C9orf153: variants seen among roughly 807,000 people sequenced by gnomAD.
C9orf153 encodes the protein chromosome 9 open reading frame 153.
A neutral mutation model predicts 9.0 loss-of-function variants in C9orf153; 10 were observed. The ratio of observed to expected loss-of-function variants is 1.11; its 90% CI spans 0.69 to 1.89. The LOEUF is 1.89. C9orf153 is among the 40% of genes most tolerant of loss of function. C9orf153 has a pLI of 0.00. For missense variants in C9orf153, 108 were observed against 111.0 expected, an observed-to-expected ratio of 0.97 and a Z score of 0.12; for synonymous variants, 35 against 37.3, an observed-to-expected ratio of 0.94 and a Z score of 0.23.
chr9:86,223,896 G>A (rs560076869), intron 3 of C9orf153, among the ~76,000 whole-genome samples: 2 of 152,118 alleles, frequency 1.3e-5, no homozygotes, highest in Non-Finnish European at 2.9e-5. Context: ...GTGGAATCAC[G>A]GTCACCAGAG....
intron 1 of C9orf153, among the ~76,000 whole-genome samples, chr9:86,236,878 A>G (rs1824605287): frequency 6.6e-6 from 1 of 151,174 alleles, no homozygotes. Flanking sequence ...AGGCAGGAGG[A>G]TCGTTTGAAC....
At chr9:86,236,355 C>T (rs1824587772) in intron 1 of C9orf153, among the ~76,000 whole-genome samples, 1 of 151,728 alleles carries the variant, frequency 6.6e-6, no homozygotes, top group Admixed American at 6.6e-5. Flanking sequence ...TCGAGACCAG[C>T]CTGGTCAACA....
chr9:86,247,867 C>T, intron 1 of C9orf153, among the ~76,000 whole-genome samples: 1 of 152,146 alleles, frequency 6.6e-6, no homozygotes, highest in East Asian at 1.9e-4. Context: ...GTTTTGGCCC[C>T]TACCTTCCAT....
chr9:86,224,875 A>G (rs1444311889), intron 3 of C9orf153, among the ~76,000 whole-genome samples: 1 of 139,474 alleles, frequency 7.2e-6, no homozygotes, highest in Non-Finnish European at 1.5e-5. Flanking sequence ...TGGGAGGCAG[A>G]GGTAGCAGTG....
At chr9:86,248,758 A>C (rs1824926081) in intron 1 of C9orf153, among the ~76,000 whole-genome samples, 1 of 152,136 alleles carries the variant, frequency 6.6e-6, no homozygotes, top group African/African-American at 2.4e-5. Context: ...ACCAGGTGGA[A>C]GCAGGGGCAT....
At chr9:86,236,297 T>A (rs10115480) in intron 1 of C9orf153, among the ~76,000 whole-genome samples, 2,226 of 152,140 alleles carry the variant, frequency 0.015, 55 homozygotes, top group African/African-American at 0.048. Flanking sequence ...ATGCCTGTAA[T>A]CCCAGCACTT....
At chr9:86,250,668 T>C (rs987152974) in intron 1 of C9orf153, among the ~76,000 whole-genome samples, 2 of 152,198 alleles carry the variant, frequency 1.3e-5, no homozygotes, top group African/African-American at 4.8e-5. Context: ...TTTTTGTCTT[T>C]ATTTTATTTA....
chr9:86,228,159 G>C (rs1824384785), intron 2 of C9orf153, 129 bp from the exon 3 acceptor site: 1 of 699,538 alleles, frequency 1.4e-6, no homozygotes, highest in African/African-American at 1.8e-5. Context: ...TTTATCTTTG[G>C]AAGATATCTT....
At chr9:86,236,789 G>T (rs543596880) in intron 1 of C9orf153, among the ~76,000 whole-genome samples, 1 of 151,320 alleles carries the variant, frequency 6.6e-6, no homozygotes, top group Non-Finnish European at 1.5e-5. Flanking sequence ...TTGATGAAAA[G>T]ATAACAGTTT....
intron 1 of C9orf153, among the ~76,000 whole-genome samples, chr9:86,243,145 GA>G (rs35659418): frequency 0.46 from 70,239 of 152,034 alleles, 16,825 homozygotes; most frequent in East Asian, 0.83. Flanking sequence ...GTTTGGAGGA[GA>G]AATTAGTCTC....
chr9:86,242,611 G>A (rs1293308706), intron 1 of C9orf153, among the ~76,000 whole-genome samples: 1 of 152,196 alleles, frequency 6.6e-6, no homozygotes, highest in Non-Finnish European at 1.5e-5. Context: ...ATGTAGGAAA[G>A]AAAATACGTT....
At chr9:86,259,398 A>T (rs1425687588) in intron 1 of C9orf153, among the ~76,000 whole-genome samples, 152 bp downstream of exon 1, 1 of 151,760 alleles carries the variant, frequency 6.6e-6, no homozygotes, top group African/African-American at 2.4e-5. Flanking sequence ...GTAAAGATAA[A>T]CCCAAATCCC....
intron 1 of C9orf153, among the ~76,000 whole-genome samples, chr9:86,243,999 C>T (rs1258738772): frequency 1.3e-5 from 2 of 152,124 alleles, no homozygotes; most frequent in African/African-American, 4.8e-5. Flanking sequence ...AGTTTAATTG[C>T]TTTCAAGTGC....
At chr9:86,257,333 C>T (rs969192995) in intron 1 of C9orf153, among the ~76,000 whole-genome samples, 1 of 152,176 alleles carries the variant, frequency 6.6e-6, no homozygotes, top group Admixed American at 6.5e-5. Context: ...TGAGAAGACT[C>T]CTTGGGGAGG....
intron 1 of C9orf153, among the ~76,000 whole-genome samples, chr9:86,244,902 A>T (rs1034759570): frequency 6.6e-6 from 1 of 152,228 alleles, no homozygotes; most frequent in African/African-American, 2.4e-5. Context: ...AAACAAAAGC[A>T]TCCTATAGAT....
intron 1 of C9orf153, among the ~76,000 whole-genome samples, chr9:86,250,007 T>A (rs1273991723): frequency 6.6e-6 from 1 of 152,100 alleles, no homozygotes; most frequent in Admixed American, 6.5e-5. Context: ...TTCGTCTTCT[T>A]GGGGGCAAGG....
At chr9:86,235,873 GAAGA>G (rs1372849212) in intron 1 of C9orf153, among the ~76,000 whole-genome samples, 1 of 150,298 alleles carries the variant, frequency 6.7e-6, no homozygotes, top group Non-Finnish European at 1.5e-5. Context: ...AATACCAGCA[GAAGA>G]AAGAAACAAA....
chr9:86,250,099 A>G (rs1824962672), intron 1 of C9orf153, among the ~76,000 whole-genome samples: 1 of 152,198 alleles, frequency 6.6e-6, no homozygotes, highest in African/African-American at 2.4e-5. Flanking sequence ...AGAATGTACA[A>G]TGGCCTGGGA....
chr9:86,221,420 T>C lies in C9orf153; in HGVS notation c.*268A>G, dbSNP rs1296861788. 1 of 620,198 alleles carries C rather than the reference T, an allele frequency of 1.6e-6. No individual in the cohort carries two copies. Among genetic ancestry groups the C allele is most frequent in the Non-Finnish European group, 2.4e-6 (1 of 425,010 alleles). 38.4% of individuals were successfully genotyped at this position (620,198 alleles called of 1,614,324 possible). The stretch of plus-strand genomic sequence containing the variant: ...TCACTTCAGATGTTCTATTGGGTAC[T>C]TGGCTTCTTTACTTTTTGTGTATTA... On this transcript the variant is annotated 3_prime_UTR_variant, in exon 4 of 4. Transcript: ENST00000339137.
Sources: allele counts gnomAD v4.1 joint callset (sites outside exome capture counted in the v4.1 genomes callset), GRCh38; gene constraint gnomAD v4.1.1; transcripts MANE v1.5; gene names NCBI Gene and HGNC (gene_info 2026-07-23, HGNC 2026-07-21).